FRMD4A: variants seen among roughly 807,000 people sequenced by gnomAD.
FRMD4A encodes the protein FERM domain-containing protein 4A.
FRMD4A carries 29 observed loss-of-function variants against 129.1 expected under a neutral mutation model. The ratio of observed to expected loss-of-function variants is 0.22; its 90% CI spans 0.17 to 0.31. The LOEUF (loss-of-function observed/expected upper bound fraction) is 0.31, where lower values mean the gene tolerates loss of function less well. Ranked by LOEUF, FRMD4A falls within the 10% of genes least tolerant of loss-of-function variation. The pLI, the probability that FRMD4A is intolerant of heterozygous loss-of-function variation, is 1.00. For synonymous variants in FRMD4A, 634 were observed against 571.6 expected, an observed-to-expected ratio of 1.11 and a Z score of -1.56; for missense variants, 1,272 against 1,375.8, an observed-to-expected ratio of 0.92 and a Z score of 1.19.
In FRMD4A at chr10:13,714,033, T is replaced by TAAA. The variant is rs375356403; in HGVS notation, c.760-6921_760-6920insTTT. On this transcript the variant is annotated intron_variant, in intron 12 of 24. Coordinates refer to ENST00000357447, the MANE Select transcript of FRMD4A (RefSeq NM_018027.5). The stretch of plus-strand genomic sequence containing the variant: ...TATACATATATAAAATATACATATA[T>TAAA]ATATATATATATATATATATATATA... Among the ~76,000 whole-genome samples the TAAA allele has an allele frequency of 1.8e-3, 43 of 24,230 alleles. 5 individuals are homozygous for TAAA. Among genetic ancestry groups the TAAA allele is most frequent in the African/African-American group, 6.6e-3 (40 of 6,098 alleles). The allele number at this position is 24,230 out of a possible 152,430, so 15.9% of individuals were successfully genotyped here.
intron 2 of FRMD4A, among the ~76,000 whole-genome samples, chr10:14,256,953 G>A (rs891513613): frequency 6.6e-6 from 1 of 152,182 alleles, no homozygotes; most frequent in Non-Finnish European, 1.5e-5. Context: ...AGTAGGAGAA[G>A]AAAGGGATAT....
chr10:13,992,629 T>C (rs2095607259), intron 2 of FRMD4A, among the ~76,000 whole-genome samples: 1 of 152,150 alleles, frequency 6.6e-6, no homozygotes, highest in South Asian at 2.1e-4. Flanking sequence ...ACAGCATAAC[T>C]ATGTTGATAT....
chr10:14,286,146 G>C (rs1400570327), intron 2 of FRMD4A, among the ~76,000 whole-genome samples: 1 of 152,168 alleles, frequency 6.6e-6, no homozygotes, highest in East Asian at 1.9e-4. Flanking sequence ...CTAAGCTCCT[G>C]TTCTTCTTGG....
intron 20 of FRMD4A, among the ~76,000 whole-genome samples, chr10:13,659,874 A>AT (rs1219915818): frequency 6.6e-6 from 1 of 151,552 alleles, no homozygotes; most frequent in East Asian, 1.9e-4. Context: ...CCCCAAAAAA[A>AT]ACCTCCCTAC....
intron 2 of FRMD4A, among the ~76,000 whole-genome samples, chr10:14,301,259 C>T (rs1324606437): frequency 4.6e-5 from 7 of 152,152 alleles, no homozygotes; most frequent in Admixed American, 2.0e-4. Context: ...CTGTATCGTT[C>T]CCCTGGAATA....
chr10:14,004,870 TCTGTAGCAC>T lies in FRMD4A; in HGVS notation c.46-145967_46-145959del, dbSNP rs1230455498. ...CTCTTGTCACCCCACCCTGCTGCTTTCTGTAGCACCTAAATTGTCTTTGTTACTTATTTT... is the reference window on the plus strand; with the variant it reads ...CTCTTGTCACCCCACCCTGCTGCTTTCTAAATTGTCTTTGTTACTTATTTT... On this transcript the variant is annotated intron_variant, in intron 2 of 24. Coordinates refer to ENST00000357447, the MANE Select transcript of FRMD4A (RefSeq NM_018027.5). 2.6e-5 allele frequency among the ~76,000 whole-genome samples: 4 copies of T among 152,222 alleles called. No individual in the cohort carries two copies. The East Asian group carries it at 7.7e-4, about 29-fold the overall frequency.
chr10:13,802,003 C>CAAAAAAAAAA lies in FRMD4A; in HGVS notation c.207-5425_207-5416dup, dbSNP rs11426622. 1.0e-4 allele frequency among the ~76,000 whole-genome samples: 11 copies of CAAAAAAAAAA among 109,510 alleles called. 3 individuals are homozygous for CAAAAAAAAAA. Among genetic ancestry groups the CAAAAAAAAAA allele is most frequent in the African/African-American group, 6.7e-5 (2 of 29,732 alleles). The allele number at this position is 109,510 out of a possible 152,430, so 71.8% of individuals were successfully genotyped here. ...TTCATTGCCTTTGCCAATAATAATG[C>CAAAAAAAAAA]AAAAAAAAAAAAAAAAAAAGCATCC... On this transcript the variant is annotated intron_variant, in intron 4 of 24. Coordinates refer to ENST00000357447, the MANE Select transcript of FRMD4A (RefSeq NM_018027.5).
At chr10:13,742,582 T>G (rs2013579) in intron 9 of FRMD4A, among the ~76,000 whole-genome samples, 3,298 of 152,292 alleles carry the variant, frequency 0.022, 132 homozygotes, top group African/African-American at 0.076. Flanking sequence ...AGTGGTATGA[T>G]CCTGACTCAC....
chr10:14,156,219 T>A (rs1379980382), intron 2 of FRMD4A, among the ~76,000 whole-genome samples: 1 of 148,614 alleles, frequency 6.7e-6, no homozygotes, highest in Non-Finnish European at 1.5e-5. Flanking sequence ...ATGAATGAAC[T>A]ACAACAATAC....
chr10:13,738,315 C>T (rs901525324), intron 11 of FRMD4A, among the ~76,000 whole-genome samples: 7 of 152,198 alleles, frequency 4.6e-5, no homozygotes, highest in Non-Finnish European at 7.3e-5. Flanking sequence ...TGAGATGTCA[C>T]ACCTAATAAA....
chr10:14,222,949 A>T (rs1843311570), intron 2 of FRMD4A, among the ~76,000 whole-genome samples: 1 of 152,160 alleles, frequency 6.6e-6, no homozygotes, highest in Non-Finnish European at 1.5e-5. Context: ...TTAGCCTGGC[A>T]TAGTGGCTCA....
intron 2 of FRMD4A, among the ~76,000 whole-genome samples, chr10:13,895,952 A>G (rs1000085019): frequency 1.3e-5 from 2 of 152,232 alleles, no homozygotes; most frequent in Admixed American, 6.5e-5. Context: ...AGAAATGCAA[A>G]TCAAAACCAC....
chr10:13,846,958 G>T (rs1453996757), intron 3 of FRMD4A, among the ~76,000 whole-genome samples: 1 of 152,164 alleles, frequency 6.6e-6, no homozygotes, highest in Non-Finnish European at 1.5e-5. Context: ...TGAGTCCAGG[G>T]TGGCAAATGT....
At chr10:13,677,281 C>T (rs780190017) in intron 15 of FRMD4A, among the ~76,000 whole-genome samples, 2 of 152,188 alleles carry the variant, frequency 1.3e-5, no homozygotes, top group African/African-American at 2.4e-5. Context: ...ACCGCAGAAA[C>T]ATACTATCAT....
intron 2 of FRMD4A, among the ~76,000 whole-genome samples, chr10:13,984,322 T>G (rs2095573474): frequency 6.6e-6 from 1 of 152,348 alleles, no homozygotes; most frequent in African/African-American, 2.4e-5. Flanking sequence ...TGGAAGCACC[T>G]ACCTGTGGGC....
At chr10:14,167,164 T>C (rs1178821387) in intron 2 of FRMD4A, among the ~76,000 whole-genome samples, 2 of 152,138 alleles carry the variant, frequency 1.3e-5, no homozygotes, top group Admixed American at 6.6e-5. Flanking sequence ...GATTTGACTA[T>C]ATGAAAGTAT....
chr10:13,654,314 C>T, intron 23 of FRMD4A, 102 bp downstream of exon 23: 1 of 823,512 alleles, frequency 1.2e-6, no homozygotes, highest in Non-Finnish European at 2.1e-6. Flanking sequence ...AGTGATGAAC[C>T]CTCATCATCC....
intron 2 of FRMD4A, among the ~76,000 whole-genome samples, chr10:13,863,950 T>C (rs1056435621): frequency 6.6e-6 from 1 of 152,118 alleles, no homozygotes; most frequent in African/African-American, 2.4e-5. Flanking sequence ...CGGAAAGTAA[T>C]AGAATTTAAC....
At chr10:13,838,076 A>G (rs1403475712) in intron 3 of FRMD4A, among the ~76,000 whole-genome samples, 3 of 152,054 alleles carry the variant, frequency 2.0e-5, no homozygotes, top group Non-Finnish European at 2.9e-5. Flanking sequence ...TTGCTGAATT[A>G]CAACGTGCTA....
Sources: gnomAD v4.1 joint callset for allele counts (sites outside exome capture counted in the v4.1 genomes callset) on GRCh38, gnomAD v4.1.1 for gene constraint, MANE v1.5 for transcripts, NCBI Gene and HGNC (gene_info 2026-07-23, HGNC 2026-07-21) for gene names.